The following ADGRD1 variants were observed in gnomAD, a reference collection of about 807,000 sequenced individuals.
ADGRD1 encodes the protein adhesion G protein-coupled receptor D1.
In ADGRD1, 77 loss-of-function variants were observed where a neutral mutation model predicts 113.4. The observed-to-expected ratio is 0.68, with a 90% CI of 0.57 to 0.82. The LOEUF is 0.82. Among genes scored for constraint, ADGRD1 ranks in the 40% least tolerant of loss-of-function variants. The probability of loss-of-function intolerance (pLI) is 0.00; values close to 1 mark genes in which losing one functional copy is unlikely to be tolerated. For missense variants in ADGRD1, 1,036 were observed against 1,139.1 expected, an observed-to-expected ratio of 0.91 and a Z score of 1.30; for synonymous variants, 474 against 475.0, an observed-to-expected ratio of 1.00 and a Z score of 0.03.
chr12:131,044,647 A>C (rs7305267), intron 13 of ADGRD1, among the ~76,000 whole-genome samples: 60,616 of 151,954 alleles, frequency 0.4, 13,052 homozygotes, highest in East Asian at 0.68. Context: ...TCCCCTGAGA[A>C]CCCCGCTGCC....
intron 13 of ADGRD1, chr12:131,026,708 C>T (rs1879998570): frequency 1.3e-5 from 2 of 152,182 alleles, no homozygotes; most frequent in South Asian, 4.1e-4. Context: ...CATCCCTGGC[C>T]TCTACCCACT....
chr12:131,138,766 T>C (rs1285133284), intron 24 of ADGRD1, among the ~76,000 whole-genome samples: 1 of 152,240 alleles, frequency 6.6e-6, no homozygotes, highest in Non-Finnish European at 1.5e-5. Context: ...CCATGGGAGC[T>C]GGCTGGCTCA....
chr12:131,127,689 T>C (rs1240217501), intron 20 of ADGRD1, among the ~76,000 whole-genome samples: 1 of 142,880 alleles, frequency 7.0e-6, no homozygotes, highest in Non-Finnish European at 1.5e-5. Context: ...GAGGTGTTGA[T>C]TGTGTTGGTT....
intron 17 of ADGRD1, among the ~76,000 whole-genome samples, chr12:131,108,513 T>G (rs1950282214): frequency 6.6e-6 from 1 of 152,142 alleles, no homozygotes; most frequent in African/African-American, 2.4e-5. Flanking sequence ...TCACCATCCC[T>G]GGGGGCAACA....
chr12:131,006,443 C>G (rs1273066720), intron 12 of ADGRD1, among the ~76,000 whole-genome samples: 1 of 152,184 alleles, frequency 6.6e-6, no homozygotes, highest in Non-Finnish European at 1.5e-5. Context: ...AGTGGAAGGC[C>G]AGGAAACTGA....
intron 13 of ADGRD1, among the ~76,000 whole-genome samples, chr12:131,069,062 T>C (rs1328793954): frequency 6.6e-6 from 1 of 152,206 alleles, no homozygotes; most frequent in African/African-American, 2.4e-5. Context: ...GGCCATGGCC[T>C]TCCATGTTCT....
intron 20 of ADGRD1, among the ~76,000 whole-genome samples, chr12:131,126,370 T>C (rs1030982605): frequency 3.3e-5 from 5 of 152,218 alleles, no homozygotes; most frequent in African/African-American, 1.2e-4. Flanking sequence ...CCCTCAACTT[T>C]GGATTTCCCA....
chr12:131,070,898 T>C (rs759981748), intron 13 of ADGRD1: 1 of 518,992 alleles, frequency 1.9e-6, no homozygotes, highest in Non-Finnish European at 3.8e-6. Context: ...CGGGTGAGTC[T>C]GCCATCCAGG....
chr12:130,982,118 T>A (rs1873079517), intron 5 of ADGRD1, 55 bp downstream of exon 5: 2 of 1,428,518 alleles, frequency 1.4e-6, no homozygotes, highest in Non-Finnish European at 9.6e-7. Context: ...GAGTCTTCTC[T>A]GAGAATGGAC....
chr12:131,113,241 A>T lies in ADGRD1; in HGVS notation c.2041+4364A>T, dbSNP rs762914735. Among the ~76,000 whole-genome samples, 1 of 151,676 alleles carries T rather than the reference A, an allele frequency of 6.6e-6. No homozygotes were observed. The highest frequency in any genetic ancestry group is 1.5e-5 in the Non-Finnish European group (1 of 67,992). On this transcript the variant is annotated intron_variant, in intron 18 of 24. Coordinates refer to ENST00000261654, the MANE Select transcript of ADGRD1 (RefSeq NM_198827.5). This position sits in a 1 kb window ranked among gnomAD's most constrained non-coding sequence, Gnocchi z 4.9. ...TAAACCCTTAGGAAAATGTACAGAG[A>T]CTTTAAATGATTATGTTTTTTAAAA...
chr12:130,975,784 A>G (rs996060591), intron 4 of ADGRD1, among the ~76,000 whole-genome samples: 2 of 152,306 alleles, frequency 1.3e-5, no homozygotes, highest in East Asian at 1.9e-4. Context: ...CCATTCCGCT[A>G]TTGGACTCCT....
At chr12:131,011,489 C>T (rs554827804) in intron 12 of ADGRD1, among the ~76,000 whole-genome samples, 24 of 152,228 alleles carry the variant, frequency 1.6e-4, no homozygotes, top group African/African-American at 5.8e-4. Context: ...CACTCACTCA[C>T]GTGTGTGCTG....
Position 131,003,962 on chromosome 12 carries a change from G to A in ADGRD1, c.1145-224G>A, listed in dbSNP as rs976624956. Among the ~76,000 whole-genome samples, 9 of 152,034 alleles carry A rather than the reference G, an allele frequency of 5.9e-5. No homozygotes were observed. Among genetic ancestry groups the A allele is most frequent in the East Asian group, 5.8e-4 (3 of 5,168 alleles). ...GCCCCAGGTGAGGAGCCGCGCGCCC[G>A]TGGGCCGGAATGCTGAGCCTCCCCG... On this transcript the variant is annotated intron_variant, in intron 10 of 24. Coordinates refer to ENST00000261654, the MANE Select transcript of ADGRD1 (RefSeq NM_198827.5). The surrounding 1 kb of genome is among the most constrained non-coding windows in gnomAD (Gnocchi z 4.8).
At chr12:131,114,714 T>G (rs1459445579) in intron 18 of ADGRD1, among the ~76,000 whole-genome samples, 2 of 149,882 alleles carry the variant, frequency 1.3e-5, no homozygotes, top group African/African-American at 4.9e-5. Context: ...CAATATTATT[T>G]TTTGGAAACT....
chr12:131,011,276 G>A (rs1022332921), intron 12 of ADGRD1, among the ~76,000 whole-genome samples: 16 of 151,200 alleles, frequency 1.1e-4, no homozygotes, highest in African/African-American at 1.7e-4. Context: ...TGACTTGGCC[G>A]ACATCTGGCG....
intron 15 of ADGRD1, among the ~76,000 whole-genome samples, chr12:131,098,633 C>G (rs1449616576): frequency 1.3e-5 from 2 of 152,152 alleles, no homozygotes; most frequent in Non-Finnish European, 2.9e-5. Context: ...AGGGAAGGGC[C>G]TGGGTCAGGG....
chr12:131,130,730 A>C (rs908589631), intron 20 of ADGRD1, among the ~76,000 whole-genome samples: 4 of 150,848 alleles, frequency 2.7e-5, no homozygotes, highest in Non-Finnish European at 5.9e-5. Context: ...GTGCGGGGGA[A>C]GAGCGAGGCC....
intron 8 of ADGRD1, chr12:130,994,290 C>A: frequency 2.2e-6 from 1 of 448,120 alleles, no homozygotes; most frequent in Non-Finnish European, 4.5e-6. Context: ...TTAATACGAA[C>A]ACTCTTGTTT....
chr12:131,123,039 GTTTTTTTTTTTTTTTTTTTTT>G (rs552353187), intron 20 of ADGRD1, among the ~76,000 whole-genome samples: 3 of 51,334 alleles, frequency 5.8e-5, no homozygotes, highest in Non-Finnish European at 1.1e-4. Context: ...TACCTGGGGA[GTTTTTTTTTTTTTTTTTTTTT>G]TTTTTTTTTT....
Sources: gnomAD v4.1 joint callset for allele counts (sites outside exome capture counted in the v4.1 genomes callset) on GRCh38, gnomAD v4.1.1 for gene constraint, Gnocchi (gnomAD v3.1) non-coding constraint, MANE v1.5 for transcripts, NCBI Gene and HGNC (gene_info 2026-07-23, HGNC 2026-07-21) for gene names.